SAXO4: variants seen among roughly 807,000 people sequenced by gnomAD.
The protein encoded by SAXO4 is stabilizer of axonemal microtubules 4.
chr11:61,484,721 G>C, the SAXO4 span: 1 of 1,613,684 alleles, frequency 6.2e-7, no homozygotes, highest in Non-Finnish European at 8.5e-7. Context: ...CCAGGAGCAC[G>C]GGCCTCAGGC....
the SAXO4 span, among the ~76,000 whole-genome samples, chr11:61,481,589 A>G: frequency 6.6e-6 from 1 of 152,168 alleles, no homozygotes. Context: ...GTGAGAGGAG[A>G]CATGAGGACT....
At chr11:61,489,662 AG>A in the SAXO4 span, 1 of 1,036,438 alleles carries the variant, frequency 9.6e-7, no homozygotes, top group Non-Finnish European at 1.5e-6. Context: ...GAGCTAGACG[AG>A]GACAGCATGA....
At chr11:61,485,776 C>T in the SAXO4 span, 2 of 1,594,958 alleles carry the variant, frequency 1.3e-6, no homozygotes, top group Non-Finnish European at 1.7e-6. Context: ...GGCCTGGCAG[C>T]ACACAGGGCA....
the SAXO4 span, among the ~76,000 whole-genome samples, chr11:61,487,936 G>T: frequency 6.6e-6 from 1 of 152,168 alleles, no homozygotes; most frequent in African/African-American, 2.4e-5. Flanking sequence ...GCCAGGACTG[G>T]GTGGGGAAAG....
At chr11:61,481,709 G>GT in the SAXO4 span, 2 of 595,138 alleles carry the variant, frequency 3.4e-6, no homozygotes, top group African/African-American at 4.0e-5. Context: ...GGGTGGTGGG[G>GT]GGCAGATCTT....
chr11:61,490,250 G>A, the SAXO4 span, among the ~76,000 whole-genome samples: 3 of 152,150 alleles, frequency 2.0e-5, no homozygotes, highest in East Asian at 1.9e-4. Flanking sequence ...AGGGGGATGC[G>A]GGGACGGATC....
At chr11:61,486,364 T>C in the SAXO4 span, 3 of 1,613,854 alleles carry the variant, frequency 1.9e-6, no homozygotes, top group Non-Finnish European at 2.5e-6. Context: ...CAGGCCAGAG[T>C]GTCACCAAGT....
the SAXO4 span, among the ~76,000 whole-genome samples, chr11:61,484,304 C>T: frequency 4.0e-4 from 61 of 152,208 alleles, no homozygotes; most frequent in East Asian, 9.8e-3. Flanking sequence ...TCGGGAGGGT[C>T]GGGAAAGAGC....
the SAXO4 span, chr11:61,489,996 G>T: frequency 9.3e-4 from 1,430 of 1,536,798 alleles, 11 homozygotes; most frequent in African/African-American, 0.017. Context: ...CATCCAGGCC[G>T]TGTGCCAGGC....
chr11:61,482,336 G>A, the SAXO4 span: 2 of 1,614,050 alleles, frequency 1.2e-6, no homozygotes, highest in East Asian at 2.2e-5. Flanking sequence ...AGCCCCGTGT[G>A]GGCAGTCACG....
chr11:61,482,789 C>A, the SAXO4 span: 1 of 1,609,870 alleles, frequency 6.2e-7, no homozygotes, highest in Non-Finnish European at 8.5e-7. Flanking sequence ...AAGCCCAGTG[C>A]GGGTCCCCCC....
At chr11:61,484,926 A>C in the SAXO4 span, 226 of 1,360,024 alleles carry the variant, frequency 1.7e-4, no homozygotes, top group Non-Finnish European at 2.0e-4. Flanking sequence ...AAGCCAGCTC[A>C]GGGTGGGCTC....
At chr11:61,488,217 C>CCT in the SAXO4 span, among the ~76,000 whole-genome samples, 1 of 151,698 alleles carries the variant, frequency 6.6e-6, no homozygotes, top group Non-Finnish European at 1.5e-5. Context: ...GAACTCCTGA[C>CCT]CTCAAGTGAT....
chr11:61,483,459 C>T, the SAXO4 span, among the ~76,000 whole-genome samples: 9 of 152,170 alleles, frequency 5.9e-5, no homozygotes, highest in Non-Finnish European at 1.3e-4. Context: ...AGCCACTGCG[C>T]CCAGCCCCAT....
the SAXO4 span, among the ~76,000 whole-genome samples, chr11:61,485,097 A>ATT: frequency 2.0e-5 from 3 of 152,094 alleles, no homozygotes; most frequent in South Asian, 6.2e-4. Context: ...CCCCCCACTC[A>ATT]TTACCAGGAG....
chr11:61,490,146 T>G, the SAXO4 span, among the ~76,000 whole-genome samples: 1 of 152,090 alleles, frequency 6.6e-6, no homozygotes, highest in Non-Finnish European at 1.5e-5. Context: ...CTCCCTCAGA[T>G]GGCTCCTCCT....
chr11:61,487,077 C>T, the SAXO4 span: 1 of 1,612,320 alleles, frequency 6.2e-7, no homozygotes, highest in South Asian at 1.1e-5. Flanking sequence ...ACTTGCTACA[C>T]CTAGCCTCCA....
the SAXO4 span, chr11:61,485,726 G>A: frequency 8.6e-7 from 1 of 1,167,346 alleles, no homozygotes; most frequent in East Asian, 2.3e-5. Context: ...TGCACCTGCT[G>A]GGACACTGAG....
the SAXO4 span, chr11:61,487,091 C>G: frequency 6.2e-7 from 1 of 1,612,256 alleles, no homozygotes; most frequent in Non-Finnish European, 8.5e-7. Context: ...GCCTCCACCC[C>G]CAAATCCCCA....
Sources: gnomAD v4.1 joint callset for allele counts (sites outside exome capture counted in the v4.1 genomes callset) on GRCh38, gnomAD v4.1.1 for gene constraint, MANE v1.5 for transcripts, NCBI Gene and HGNC (gene_info 2026-07-23, HGNC 2026-07-21) for gene names.